Variants in OTOA observed in about 807,000 individuals in gnomAD.
The protein encoded by OTOA is otoancorin.
OTOA carries 70 observed loss-of-function variants against 110.8 expected under a neutral mutation model. That is an observed-to-expected ratio of 0.63 (90% confidence interval 0.52 to 0.77). The LOEUF is 0.77. OTOA is among the 30% of genes least tolerant of loss of function. OTOA has a pLI of 0.00. For missense variants in OTOA, 917 were observed against 1,075.8 expected, an observed-to-expected ratio of 0.85 and a Z score of 2.06; for synonymous variants, 373 against 431.5, an observed-to-expected ratio of 0.86 and a Z score of 1.68.
chr16:21,695,200 G>C (rs1025933918), intron 9 of OTOA, among the ~76,000 whole-genome samples: 2 of 148,398 alleles, frequency 1.3e-5, no homozygotes, highest in Admixed American at 6.9e-5. Flanking sequence ...AGGAGTTCAA[G>C]GCCAGCCTGG....
At chr16:21,668,554 G>A (rs1966845108) in intron 1 of OTOA, among the ~76,000 whole-genome samples, 1 of 146,776 alleles carries the variant, frequency 6.8e-6, no homozygotes, top group Non-Finnish European at 1.5e-5. Context: ...TCTGCCTCCC[G>A]GGTTCAAGAG....
intron 21 of OTOA, among the ~76,000 whole-genome samples, chr16:21,734,117 C>A (rs555234287): frequency 3.9e-4 from 59 of 150,358 alleles, no homozygotes; most frequent in Non-Finnish European, 7.5e-4. Flanking sequence ...GCAATTCTTG[C>A]ATTGCTATAA....
chr16:21,700,895 T>G lies in OTOA; in HGVS notation c.848T>G (p.Leu283Arg). ...ITKISPIEIG[L>R]FISYDNATKQ... is the part of the protein sequence containing the mutation. ...TCCTTGTCCACCAACTAGATTGGGC[T>G]GTTTATCAGCTATGACAACGCCACC... Residue 283 changes from leucine to arginine, a missense_variant, in exon 11 of 29, where the codon CTG (leucine) becomes CGG (arginine). Physicochemically the swap from Leu to Arg is moderately radical, Grantham distance 102. Coordinates refer to ENST00000646100, the MANE Select transcript of OTOA (RefSeq NM_144672.4). 1 of 1,614,082 alleles carries G rather than the reference T, an allele frequency of 6.2e-7. No individual in the cohort carries two copies. The highest frequency in any genetic ancestry group is 8.5e-7 in the Non-Finnish European group (1 of 1,180,006).
intron 19 of OTOA, 104 bp downstream of exon 19, chr16:21,726,762 C>T: frequency 6.7e-7 from 1 of 1,488,402 alleles, no homozygotes; most frequent in Non-Finnish European, 9.3e-7. Flanking sequence ...CTGTGATGGC[C>T]AGAAGTCTGA....
At chr16:21,732,159 C>T (rs1245068383) in intron 21 of OTOA, among the ~76,000 whole-genome samples, 4 of 151,964 alleles carry the variant, frequency 2.6e-5, no homozygotes, top group Non-Finnish European at 5.9e-5. Flanking sequence ...AGATATGGGG[C>T]TTCACCATGT....
At position 21,678,952 on chromosome 16, in the gene OTOA, TC is replaced by T. The variant is rs780808160; in HGVS notation, c.120+10del. 4.5e-5 allele frequency: 73 copies of T among 1,613,834 alleles called. No individual in the cohort carries two copies. The East Asian group carries it at 1.6e-3, about 36-fold the overall frequency. On this transcript the variant is annotated intron_variant, in intron 3 of 28. Transcript: ENST00000646100. ...TGTTGCAAAACATGGCGGTGAGTAT[TC>T]TATTTTCTGTTAATCAGAGTCCCCT...
rs372254890 is a variant in OTOA at position 21,722,575 on chromosome 16, A to C, written c.1807-330A>C. On this transcript the variant is annotated intron_variant, in intron 17 of 28. Transcript: ENST00000646100. ...TATATAAATCTACCTTATTAAAACAAAGTAGGTGCACTATTCCATTGTATG... is the reference window on the plus strand; with the variant it reads ...TATATAAATCTACCTTATTAAAACACAGTAGGTGCACTATTCCATTGTATG... Among the ~76,000 whole-genome samples, 5 of 152,160 alleles carry C rather than the reference A, an allele frequency of 3.3e-5. No homozygotes were observed. The East Asian group carries it at 9.7e-4, about 29-fold the overall frequency.
At chr16:21,696,875 C>CTTAT (rs994849810) in intron 9 of OTOA, among the ~76,000 whole-genome samples, 3 of 151,536 alleles carry the variant, frequency 2.0e-5, no homozygotes, top group African/African-American at 7.3e-5. Flanking sequence ...ACCTGCATTT[C>CTTAT]TTATTTATTT....
At chr16:21,708,425 G>A (rs1408485623) in intron 12 of OTOA, among the ~76,000 whole-genome samples, 1 of 152,262 alleles carries the variant, frequency 6.6e-6, no homozygotes, top group East Asian at 1.9e-4. Context: ...CCAGGGTCCC[G>A]GTGGTCCCCA....
chr16:21,704,459 C>T (rs557223645), intron 11 of OTOA, among the ~76,000 whole-genome samples: 2 of 152,300 alleles, frequency 1.3e-5, no homozygotes, highest in African/African-American at 4.8e-5. Flanking sequence ...CAAATCAAAT[C>T]TCAGTTTCCC....
chr16:21,704,539 C>T (rs539654139), intron 11 of OTOA, among the ~76,000 whole-genome samples: 6 of 152,218 alleles, frequency 3.9e-5, no homozygotes, highest in African/African-American at 7.2e-5. Context: ...TGCAGGTAAA[C>T]GGCTCAGTGC....
At chr16:21,682,264 C>T (rs537820457) in intron 6 of OTOA, among the ~76,000 whole-genome samples, 1 of 152,308 alleles carries the variant, frequency 6.6e-6, no homozygotes, top group African/African-American at 2.4e-5. Flanking sequence ...TTCCTTTCTC[C>T]AATCCAGGGG....
chr16:21,707,617 C>CT (rs1555499019), intron 12 of OTOA, among the ~76,000 whole-genome samples: 1 of 89,960 alleles, frequency 1.1e-5, no homozygotes, highest in Non-Finnish European at 2.6e-5. Context: ...TTCTTTCTTT[C>CT]TTTCTTTCTT....
rs386384450 is a variant in OTOA, at chr16:21,695,891, A to ATTTTTTTTTTTTTTTT, written c.740-1880_740-1865dup. 5.3e-4 allele frequency among the ~76,000 whole-genome samples: 22 copies of ATTTTTTTTTTTTTTTT among 41,890 alleles called. 1 individual carries two copies. Among genetic ancestry groups the ATTTTTTTTTTTTTTTT allele is most frequent in the Admixed American group, 1.5e-3 (4 of 2,696 alleles). 27.5% of individuals were successfully genotyped at this position (41,890 alleles called of 152,430 possible). A position where few individuals can be genotyped will look rare whatever the true frequency, so the allele number is the denominator to read the frequency against. On this transcript the variant is annotated intron_variant, in intron 9 of 28. Transcript: ENST00000646100. ...GATATATATATATATATATATATAT[A>ATTTTTTTTTTTTTTTT]TTTTTTTTTTTTTTTTTTTCTGAGA...
At chr16:21,693,930 G>A (rs1368555733) in intron 9 of OTOA, among the ~76,000 whole-genome samples, 1 of 152,158 alleles carries the variant, frequency 6.6e-6, no homozygotes, top group East Asian at 1.9e-4. Flanking sequence ...AATGTTTTCT[G>A]TAAAGGACCA....
chr16:21,712,779 T>A (rs574452354), intron 13 of OTOA, among the ~76,000 whole-genome samples: 2 of 149,774 alleles, frequency 1.3e-5, no homozygotes, highest in Admixed American at 1.3e-4. Context: ...TGGGAGGCGG[T>A]GCTTGCAGTG....
At chr16:21,716,164 G>A (rs1282570877) in intron 14 of OTOA, among the ~76,000 whole-genome samples, 2 of 149,880 alleles carry the variant, frequency 1.3e-5, no homozygotes, top group Non-Finnish European at 2.9e-5. Context: ...GCCTCCTACA[G>A]TGCTGGGATT....
intron 1 of OTOA, among the ~76,000 whole-genome samples, chr16:21,664,951 G>A (rs1463298523): frequency 6.6e-6 from 1 of 151,630 alleles, no homozygotes; most frequent in Non-Finnish European, 1.5e-5. Flanking sequence ...CATTCTGGGC[G>A]ACACAGGGAG....
intron 8 of OTOA, 86 bp from the exon 9 acceptor site, chr16:21,691,498 T>G: frequency 1.8e-6 from 2 of 1,085,892 alleles, no homozygotes; most frequent in South Asian, 2.6e-5. Flanking sequence ...AAGACAGCTT[T>G]GGGTCACATT....
Sources: allele counts gnomAD v4.1 joint callset (sites outside exome capture counted in the v4.1 genomes callset), GRCh38; gene constraint gnomAD v4.1.1; transcripts MANE v1.5; gene names NCBI Gene and HGNC (gene_info 2026-07-23, HGNC 2026-07-21).